Variants in ERBB4 observed in about 807,000 individuals in gnomAD.
ERBB4 encodes the protein erb-b2 receptor tyrosine kinase 4.
Under a neutral mutation model 158.0 loss-of-function variants are expected in ERBB4, and 42 were observed. The ratio of observed to expected loss-of-function variants is 0.27; its 90% confidence interval spans 0.21 to 0.34. The LOEUF is 0.34. ERBB4 is among the 10% of genes least tolerant of loss of function. The probability of loss-of-function intolerance (pLI) is 1.00; values close to 1 mark genes in which losing one functional copy is unlikely to be tolerated. For synonymous variants in ERBB4, 583 were observed against 558.7 expected (o/e 1.04, Z -0.61); for missense variants, 1,333 against 1,624.1 (o/e 0.82, Z 3.08).
At chr2:212,013,111 C>T (rs1266524880) in intron 2 of ERBB4, among the ~76,000 whole-genome samples, 4 of 150,002 alleles carry the variant, frequency 2.7e-5, no homozygotes, top group African/African-American at 9.8e-5. Context: ...GGCTGGATTG[C>T]AGTGGCATGA....
chr2:212,312,983 C>CT (rs1295329333), intron 1 of ERBB4, among the ~76,000 whole-genome samples: 1 of 150,670 alleles, frequency 6.6e-6, no homozygotes, highest in Non-Finnish European at 1.5e-5. Flanking sequence ...AAATTAATGT[C>CT]TTTTTTTAAT....
At chr2:211,725,345 T>C in intron 5 of ERBB4, 151 bp from the exon 6 acceptor site, 1 of 659,540 alleles carries the variant, frequency 1.5e-6, no homozygotes, top group Non-Finnish European at 2.7e-6. Context: ...AAAATTTTTA[T>C]ACAAAAATCT....
intron 1 of ERBB4, among the ~76,000 whole-genome samples, chr2:212,365,359 TA>T (rs1185835271): frequency 2.2e-4 from 33 of 151,832 alleles, no homozygotes; most frequent in African/African-American, 7.7e-4. Flanking sequence ...AAAATAAGAA[TA>T]TATCTGTCAT....
intron 12 of ERBB4, among the ~76,000 whole-genome samples, chr2:211,693,221 A>G (rs2072886262): frequency 6.6e-6 from 1 of 152,164 alleles, no homozygotes; most frequent in Non-Finnish European, 1.5e-5. Flanking sequence ...CTCTCAGAAG[A>G]GATATGTGTC....
chr2:211,559,876 T>C (rs1237033008), intron 20 of ERBB4, among the ~76,000 whole-genome samples: 1 of 152,192 alleles, frequency 6.6e-6, no homozygotes, highest in Non-Finnish European at 1.5e-5. Context: ...AGTAAAAGTA[T>C]AGTATGACAT....
At chr2:212,531,174 T>G (rs781250751) in intron 1 of ERBB4, among the ~76,000 whole-genome samples, 2 of 152,168 alleles carry the variant, frequency 1.3e-5, no homozygotes, top group Non-Finnish European at 2.9e-5. Context: ...CTCCAATTTC[T>G]ATCAGGAAAT....
In ERBB4 at chr2:211,379,948, C is replaced by A. The variant is rs2062546923; in HGVS notation, c.*3667G>T. The stretch of plus-strand genomic sequence containing the variant: ...TAGCAGAGCCTCACACAGTCCTTTT[C>A]TTGATTTTTCCTTAGCATTGTAAGT... On this transcript the variant is annotated 3_prime_UTR_variant, in exon 28 of 28. Transcript: ENST00000342788. 4.3e-6 allele frequency: 1 copy of A among 231,948 alleles called. No homozygotes were observed. The allele number at this position is 231,948 out of a possible 1,614,324, so 14.4% of individuals were successfully genotyped here.
intron 1 of ERBB4, among the ~76,000 whole-genome samples, chr2:212,333,504 C>G (rs2088280495): frequency 1.3e-5 from 2 of 150,492 alleles, no homozygotes; most frequent in African/African-American, 2.5e-5. Context: ...TATGGTGAAA[C>G]CCAGTCTCTA....
intron 20 of ERBB4, among the ~76,000 whole-genome samples, chr2:211,496,205 G>A (rs1457085717): frequency 6.6e-6 from 1 of 151,666 alleles, no homozygotes; most frequent in Non-Finnish European, 1.5e-5. Flanking sequence ...TCTTTTTTAT[G>A]TAGTCCCTCC....
chr2:212,303,055 A>C (rs2106213270), intron 1 of ERBB4, among the ~76,000 whole-genome samples: 1 of 150,626 alleles, frequency 6.6e-6, no homozygotes, highest in Middle Eastern at 3.5e-3. Context: ...GAAAGACCTA[A>C]GTTTATTATT....
At chr2:211,674,450 TAA>T (rs2071974872) in intron 13 of ERBB4, among the ~76,000 whole-genome samples, 1 of 152,108 alleles carries the variant, frequency 6.6e-6, no homozygotes, top group South Asian at 2.1e-4. Context: ...GCAAAATAAT[TAA>T]GTTTGGTTTT....
chr2:212,027,098 T>C (rs2125339913), intron 2 of ERBB4, among the ~76,000 whole-genome samples: 1 of 152,096 alleles, frequency 6.6e-6, no homozygotes, highest in South Asian at 2.1e-4. Context: ...AGGTATTATG[T>C]CCAGTTACTC....
At chr2:211,961,534 TGACA>T (rs996680535) in intron 2 of ERBB4, among the ~76,000 whole-genome samples, 160 of 152,270 alleles carry the variant, frequency 1.1e-3, no homozygotes, top group African/African-American at 3.7e-3. Flanking sequence ...CTAACACAAG[TGACA>T]GACTAACTTG....
chr2:211,795,355 C>T lies in ERBB4; in HGVS notation c.422-7196G>A, dbSNP rs576607860. Among the ~76,000 whole-genome samples, 5 of 151,864 alleles carry T rather than the reference C, an allele frequency of 3.3e-5. No homozygotes were observed. In the South Asian group the frequency reaches 1.0e-3, roughly 32 times the overall value. On this transcript the variant is annotated intron_variant, in intron 3 of 27. Transcript: ENST00000342788. ...TCAATTCTGTGATGGGTTTATTGTA[C>T]TCACGGTATCTGTCGCATAGTTGCT...
At chr2:212,390,602 A>T (rs1574832644) in intron 1 of ERBB4, among the ~76,000 whole-genome samples, 1 of 151,862 alleles carries the variant, frequency 6.6e-6, no homozygotes, top group Admixed American at 6.6e-5. Flanking sequence ...ATATATAATG[A>T]GGGATTACAA....
At chr2:212,101,871 C>T (rs1428638053) in intron 2 of ERBB4, among the ~76,000 whole-genome samples, 1 of 151,720 alleles carries the variant, frequency 6.6e-6, no homozygotes, top group Non-Finnish European at 1.5e-5. Flanking sequence ...ACCGTCAACA[C>T]AGACCTCCAT....
intron 3 of ERBB4, among the ~76,000 whole-genome samples, chr2:211,855,869 G>A (rs1445399160): frequency 6.6e-6 from 1 of 152,172 alleles, no homozygotes; most frequent in Non-Finnish European, 1.5e-5. Flanking sequence ...AAAGGAAGAA[G>A]TGAAACTATT....
chr2:212,375,893 C>T (rs1040145662), intron 1 of ERBB4, among the ~76,000 whole-genome samples: 1 of 152,066 alleles, frequency 6.6e-6, no homozygotes, highest in African/African-American at 2.4e-5. Context: ...GAAAAGTTTG[C>T]ACAATGTCCC....
chr2:212,205,070 G>A (rs575078145), intron 1 of ERBB4, among the ~76,000 whole-genome samples: 4 of 151,888 alleles, frequency 2.6e-5, no homozygotes, highest in East Asian at 2.0e-4. Flanking sequence ...AACCCGCCTC[G>A]GCCTCCCAAA....
Sources: gnomAD v4.1 joint callset for allele counts (sites outside exome capture counted in the v4.1 genomes callset) on GRCh38, gnomAD v4.1.1 for gene constraint, MANE v1.5 for transcripts, NCBI Gene and HGNC (gene_info 2026-07-23, HGNC 2026-07-21) for gene names.